BRD10: variants seen among roughly 807,000 people sequenced by gnomAD.
BRD10 encodes bromodomain containing 10.
At chr9:5,890,390 T>C in the BRD10 span, among the ~76,000 whole-genome samples, 5 of 152,218 alleles carry the variant, frequency 3.3e-5, no homozygotes. Context: ...TGTTCATTGT[T>C]TATCTGAAGT....
At chr9:5,990,536 A>G in the BRD10 span, among the ~76,000 whole-genome samples, 5 of 152,352 alleles carry the variant, frequency 3.3e-5, no homozygotes, top group African/African-American at 9.6e-5. Context: ...TTATAAGTAG[A>G]TAAGATAAAG....
the BRD10 span, among the ~76,000 whole-genome samples, chr9:5,932,102 A>G: frequency 6.6e-6 from 1 of 152,214 alleles, no homozygotes; most frequent in East Asian, 1.9e-4. Flanking sequence ...GAAAAGTTAT[A>G]TAAAAGAAAT....
the BRD10 span, chr9:5,921,422 T>C: frequency 1.2e-6 from 2 of 1,613,966 alleles, no homozygotes; most frequent in East Asian, 4.5e-5. Context: ...TTTTAATGAT[T>C]CTGCAACAAG....
chr9:5,968,325 T>A, the BRD10 span: 1 of 1,609,702 alleles, frequency 6.2e-7, no homozygotes. Context: ...GATTTTAGAG[T>A]ATTTTCTTTT....
At chr9:5,983,582 A>C in the BRD10 span, among the ~76,000 whole-genome samples, 2 of 152,202 alleles carry the variant, frequency 1.3e-5, no homozygotes, top group Admixed American at 6.5e-5. Context: ...AACTAAATGT[A>C]ACTTTTAGAG....
chr9:5,953,479 C>T, the BRD10 span, among the ~76,000 whole-genome samples: 1 of 151,894 alleles, frequency 6.6e-6, no homozygotes, highest in African/African-American at 2.4e-5. Flanking sequence ...GTTTAAAGAC[C>T]ATTTCAATTA....
At chr9:5,902,573 A>C in the BRD10 span, among the ~76,000 whole-genome samples, 1 of 151,732 alleles carries the variant, frequency 6.6e-6, no homozygotes, top group Admixed American at 6.6e-5. Context: ...CAAGCACTCC[A>C]ATCCTCCTGG....
chr9:5,967,618 G>T, the BRD10 span, among the ~76,000 whole-genome samples: 1 of 148,854 alleles, frequency 6.7e-6, no homozygotes, highest in Non-Finnish European at 1.5e-5. Flanking sequence ...GCAGCTAGTT[G>T]CTATGAACTT....
chr9:5,960,794 T>C, the BRD10 span, among the ~76,000 whole-genome samples: 4 of 152,166 alleles, frequency 2.6e-5, no homozygotes, highest in African/African-American at 9.7e-5. Context: ...AATAGTATAT[T>C]ATTGAAAACA....
chr9:5,960,790 A>G, the BRD10 span, among the ~76,000 whole-genome samples: 3 of 152,160 alleles, frequency 2.0e-5, no homozygotes, highest in East Asian at 1.9e-4. Context: ...CTATAATAGT[A>G]TATTATTGAA....
chr9:6,007,187 T>G, the BRD10 span: 2 of 1,609,104 alleles, frequency 1.2e-6, no homozygotes, highest in African/African-American at 2.7e-5. Context: ...GGGACCGGGC[T>G]CGCTTACCGA....
At chr9:5,907,176 A>G in the BRD10 span, 7 of 372,168 alleles carry the variant, frequency 1.9e-5, no homozygotes, top group Non-Finnish European at 3.3e-5. Context: ...AGAATAAAAA[A>G]TAAATAATAA....
the BRD10 span, chr9:5,909,018 G>A: frequency 3.0e-6 from 1 of 336,426 alleles, no homozygotes; most frequent in Non-Finnish European, 5.5e-6. Context: ...TGGGTATTCT[G>A]GGGCCATCCA....
chr9:5,932,643 T>C, the BRD10 span, among the ~76,000 whole-genome samples: 2 of 152,154 alleles, frequency 1.3e-5, no homozygotes, highest in African/African-American at 4.8e-5. Flanking sequence ...TACATGGATT[T>C]TGGTATGAAG....
chr9:5,955,199 A>G, the BRD10 span, among the ~76,000 whole-genome samples: 1 of 152,176 alleles, frequency 6.6e-6, no homozygotes, highest in African/African-American at 2.4e-5. Flanking sequence ...ATTACTCAAC[A>G]AATACTAGAT....
At chr9:5,889,023 A>G in the BRD10 span, among the ~76,000 whole-genome samples, 2 of 152,210 alleles carry the variant, frequency 1.3e-5, no homozygotes, top group African/African-American at 4.8e-5. Context: ...TTGCACCGAA[A>G]AAAGGTCATG....
At chr9:5,885,982 C>T in the BRD10 span, among the ~76,000 whole-genome samples, 10 of 152,160 alleles carry the variant, frequency 6.6e-5, no homozygotes, top group African/African-American at 2.4e-4. Context: ...AGTTGTTTTC[C>T]CCAAATCTTT....
the BRD10 span, chr9:6,007,577 T>G: frequency 1.2e-6 from 2 of 1,609,610 alleles, no homozygotes; most frequent in Non-Finnish European, 1.7e-6. Flanking sequence ...TCCTGCTCCT[T>G]GCAGCAACCG....
the BRD10 span, among the ~76,000 whole-genome samples, chr9:5,980,899 C>G: frequency 2.0e-5 from 3 of 152,268 alleles, no homozygotes; most frequent in African/African-American, 7.2e-5. Context: ...GTTTTCCCCA[C>G]TTCTTATGCC....
Sources: allele counts gnomAD v4.1 joint callset (sites outside exome capture counted in the v4.1 genomes callset), GRCh38; gene constraint gnomAD v4.1.1; transcripts MANE v1.5; gene names NCBI Gene and HGNC (gene_info 2026-07-23, HGNC 2026-07-21).